ARHGEF37: variants seen among roughly 807,000 people sequenced by gnomAD.
ARHGEF37 encodes Rho guanine nucleotide exchange factor (GEF) 37.
Under a neutral mutation model 71.1 loss-of-function variants are expected in ARHGEF37, and 55 were observed. The ratio of observed to expected loss-of-function variants is 0.77; its 90% CI spans 0.62 to 0.97. The LOEUF (loss-of-function observed/expected upper bound fraction) is 0.97. Among genes scored for constraint, ARHGEF37 ranks in the 50% least tolerant of loss-of-function variants. The pLI, the probability that ARHGEF37 is intolerant of heterozygous loss-of-function variation, is 0.00. For missense variants in ARHGEF37, 765 were observed against 836.8 expected (o/e 0.91, Z 1.06); for synonymous variants, 327 against 350.6 (o/e 0.93, Z 0.75).
chr5:149,576,627 C>T (rs1434186254), upstream of ARHGEF37, among the ~76,000 whole-genome samples: 1 of 152,150 alleles, frequency 6.6e-6, no homozygotes, highest in South Asian at 2.1e-4. Context: ...CCACGCCCGG[C>T]CAACCAATAA....
At chr5:149,568,686 C>T (rs1342737302) in intron 1 of ARHGEF37, among the ~76,000 whole-genome samples, 1 of 151,880 alleles carries the variant, frequency 6.6e-6, no homozygotes, top group Non-Finnish European at 1.5e-5. Flanking sequence ...CAGCATGTGC[C>T]TATAATCTCA....
At chr5:149,631,163 CCTTCCTTT>C (rs996267379) in intron 12 of ARHGEF37, among the ~76,000 whole-genome samples, 6 of 142,112 alleles carry the variant, frequency 4.2e-5, no homozygotes, top group African/African-American at 5.2e-5. Context: ...TTCCTTCCTT[CCTTCCTTT>C]CTTTTTTTCT....
upstream of ARHGEF37, among the ~76,000 whole-genome samples, chr5:149,580,942 G>A (rs1288651802): frequency 4.6e-5 from 7 of 152,128 alleles, no homozygotes; most frequent in Admixed American, 4.6e-4. Flanking sequence ...CTTGTCTATC[G>A]TGTTAACTGT....
In ARHGEF37 at chr5:149,616,673, G is replaced by C; in HGVS notation, c.565G>C (p.Asp189His). Reference protein sequence around the residue: ...LQKILENTVPDASAYPVLQRA... With the variant: ...LQKILENTVPHASAYPVLQRA... ...GAAAATCCTGGAGAACACAGTCCCT[G>C]ATGCCAGTGCCTATCCTGTCCTTCA... The change falls in exon 5 of 13, where the codon GAT becomes CAT. Residue 189 changes from aspartate to histidine, a missense_variant. By Grantham distance (81) the Asp-to-His change is moderately conservative. This residue lies in a region of ARHGEF37 where 3 missense variants were observed against 20.2 expected (regional missense o/e 0.15). Coordinates refer to ENST00000333677, the MANE Select transcript of ARHGEF37 (RefSeq NM_001001669.3). The C allele has an allele frequency of 6.2e-7, 1 of 1,613,978 alleles. No homozygotes were observed. The highest frequency in any genetic ancestry group is 1.1e-5 in the South Asian group (1 of 91,062).
rs956062843 is a variant in ARHGEF37 at position 149,553,318 on chromosome 5, T to G, written c.-12+1195T>G. 2.6e-5 allele frequency among the ~76,000 whole-genome samples: 4 copies of G among 152,160 alleles called. No homozygotes were observed. The East Asian group carries it at 7.7e-4, about 29-fold the overall frequency. On this transcript the variant is annotated intron_variant, in intron 1 of 2. Transcript: ENST00000505810. ...GGGAGGCTGAGGCAGGAGAATCGCT[T>G]GAACCTGGGAGGCAGAGGTTACAGT...
intron 1 of ARHGEF37, among the ~76,000 whole-genome samples, chr5:149,566,229 G>A (rs1444921855): frequency 2.0e-5 from 3 of 151,778 alleles, no homozygotes; most frequent in African/African-American, 7.2e-5. Flanking sequence ...AGGCGAGGTG[G>A]TTCACACCTG....
At chr5:149,563,236 T>G (rs1486147014) in intron 1 of ARHGEF37, among the ~76,000 whole-genome samples, 2 of 152,196 alleles carry the variant, frequency 1.3e-5, no homozygotes, top group Non-Finnish European at 2.9e-5. Flanking sequence ...CCCTGTCAGA[T>G]TCTAAAGCCA....
intron 2 of ARHGEF37, 121 bp downstream of exon 2, chr5:149,598,076 G>A: frequency 8.2e-7 from 1 of 1,224,072 alleles, no homozygotes; most frequent in Non-Finnish European, 1.1e-6. Context: ...TAGATGTGAA[G>A]TCTGACAGAC....
chr5:149,624,200 G>C, intron 10 of ARHGEF37, 60 bp downstream of exon 10: 1 of 1,548,724 alleles, frequency 6.5e-7, no homozygotes, highest in Non-Finnish European at 8.8e-7. Context: ...GTAGGGTGAG[G>C]CTCCATCCAT....
chr5:149,578,037 G>A (rs1763045281), upstream of ARHGEF37, among the ~76,000 whole-genome samples: 1 of 152,268 alleles, frequency 6.6e-6, no homozygotes, highest in African/African-American at 2.4e-5. Context: ...GGCAGGGCCA[G>A]TGGCATTGCC....
chr5:149,592,249 CAAT>C (rs1181362625), intron 1 of ARHGEF37, among the ~76,000 whole-genome samples: 1 of 152,210 alleles, frequency 6.6e-6, no homozygotes, highest in Non-Finnish European at 1.5e-5. Flanking sequence ...CTGTTGTAGA[CAAT>C]AACACTGTCA....
chr5:149,618,651 G>A (rs1752446234), intron 6 of ARHGEF37, among the ~76,000 whole-genome samples: 1 of 152,208 alleles, frequency 6.6e-6, no homozygotes, highest in African/African-American at 2.4e-5. Context: ...TGAAATAAGT[G>A]TTCCCACTAT....
chr5:149,610,296 C>T (rs952107726), intron 4 of ARHGEF37, among the ~76,000 whole-genome samples: 5 of 152,128 alleles, frequency 3.3e-5, no homozygotes, highest in South Asian at 4.1e-4. Flanking sequence ...CCCTCTCTAC[C>T]GGTGGCTGAA....
In ARHGEF37 at chr5:149,627,267, C is replaced by G. The variant is rs145012904; in HGVS notation, c.1656C>G (p.Thr552=). 1 of 1,613,060 alleles carries G rather than the reference C, an allele frequency of 6.2e-7. No individual in the cohort carries two copies. Among genetic ancestry groups the G allele is most frequent in the Non-Finnish European group, 8.5e-7 (1 of 1,179,688 alleles). ...ACAGCGGCCGCTGGCTGGTGGACAC[C>G]GGGGGTACGTGAGCCTTTGGGAGCC... ...KGNSGRWLVD[T]GGHRGYVPAG... The change falls in exon 11 of 13, where the codon ACC becomes ACG. Residue 552 remains threonine, a synonymous_variant. Transcript: ENST00000333677.
At chr5:149,552,804 C>T (rs528190813) in intron 1 of ARHGEF37, among the ~76,000 whole-genome samples, 1 of 152,100 alleles carries the variant, frequency 6.6e-6, no homozygotes, top group East Asian at 1.9e-4. Flanking sequence ...GTACTCCAGC[C>T]TGGGCAACAG....
intron 1 of ARHGEF37, among the ~76,000 whole-genome samples, chr5:149,596,462 A>T (rs938562897): frequency 5.3e-5 from 8 of 151,936 alleles, no homozygotes; most frequent in Non-Finnish European, 1.2e-4. Flanking sequence ...GCACCACCAC[A>T]CCCGGCTAAT....
At chr5:149,615,305 A>ATT (rs71587785) in intron 4 of ARHGEF37, among the ~76,000 whole-genome samples, 182 of 141,930 alleles carry the variant, frequency 1.3e-3, no homozygotes, top group Non-Finnish European at 2.0e-3. Flanking sequence ...TGCCTAGTTA[A>ATT]TTTTTTTTTT....
intron 1 of ARHGEF37, among the ~76,000 whole-genome samples, chr5:149,557,139 A>G (rs1762766314): frequency 1.3e-5 from 2 of 152,190 alleles, no homozygotes; most frequent in African/African-American, 4.8e-5. Flanking sequence ...GAAGCTGACA[A>G]ATACAGTATT....
intron 2 of ARHGEF37, among the ~76,000 whole-genome samples, chr5:149,600,082 T>C (rs1289856210): frequency 6.6e-6 from 1 of 152,208 alleles, no homozygotes; most frequent in East Asian, 1.9e-4. Flanking sequence ...TGGTATGGCC[T>C]ATTGCTCCTA....
Sources: allele counts gnomAD v4.1 joint callset (sites outside exome capture counted in the v4.1 genomes callset), GRCh38; gene constraint gnomAD v4.1.1; regional missense constraint gnomAD v4.1.1; transcripts MANE v1.5; gene names NCBI Gene and HGNC (gene_info 2026-07-23, HGNC 2026-07-21).